Variants in RPRD2 observed in about 807,000 individuals in gnomAD.
The protein encoded by RPRD2 is regulation of nuclear pre-mRNA domain-containing protein 2.
RPRD2 carries 12 observed loss-of-function variants against 104.4 expected under a neutral mutation model. That is an observed-to-expected ratio of 0.11 (90% confidence interval 0.07 to 0.19). RPRD2 has a LOEUF of 0.19. Ranked by LOEUF, RPRD2 falls within the 10% of genes least tolerant of loss-of-function variation. The probability of loss-of-function intolerance (pLI) is 1.00; values close to 1 mark genes in which losing one functional copy is unlikely to be tolerated. For synonymous variants in RPRD2, 714 were observed against 684.9 expected (o/e 1.04, Z -0.66); for missense variants, 1,543 against 1,790.1 (o/e 0.86, Z 2.49).
In RPRD2 at chr1:150,471,578, G is replaced by A. The variant is rs941879775; in HGVS notation, c.2630G>A (p.Ser877Asn). The change falls in exon 11 of 11, where the codon AGC (serine) becomes AAC (asparagine). Residue 877 changes from serine (S) to asparagine (N), a missense_variant. Ser to Asn is a conservative substitution (Grantham distance 46, BLOSUM62 1). Around this residue, in one of 4 missense-constraint regions of RPRD2, gnomAD observed 880 missense variants for 885.6 expected, o/e 0.99. Transcript: ENST00000369068. This position sits in a 1 kb window ranked among gnomAD's most constrained non-coding sequence, Gnocchi z 5.3. Reference protein sequence around the residue: ...TEYQPILSSYSHRAQEFGVKS... With the variant: ...TEYQPILSSYNHRAQEFGVKS... ...TACCAGCCAATTCTGTCCAGTTATA[G>A]CCACAGAGCCCAAGAATTTGGGGTA... is the stretch of plus-strand genomic sequence containing the variant. The A allele has an allele frequency of 5.6e-6, 9 of 1,613,588 alleles. No individual in the cohort carries two copies. The African/African-American group carries it at 1.1e-4, about 19-fold the overall frequency.
At chr1:150,436,334 G>A (rs2102339563) in intron 2 of RPRD2, among the ~76,000 whole-genome samples, 1 of 152,296 alleles carries the variant, frequency 6.6e-6, no homozygotes, top group East Asian at 1.9e-4. Context: ...GGGCATGGTG[G>A]CTCATGCCTG....
intron 9 of RPRD2, among the ~76,000 whole-genome samples, chr1:150,462,647 C>G (rs889901866): frequency 6.6e-6 from 1 of 151,950 alleles, no homozygotes; most frequent in Non-Finnish European, 1.5e-5. Flanking sequence ...AGCTCCGCCT[C>G]CCAGGTCACG....
chr1:150,462,011 T>G (rs1260689790), intron 9 of RPRD2, among the ~76,000 whole-genome samples: 3 of 148,146 alleles, frequency 2.0e-5, no homozygotes, highest in African/African-American at 7.5e-5. Flanking sequence ...AGGCCAGGTT[T>G]GGTGGCTCAC....
chr1:150,446,463 A>G, intron 7 of RPRD2, 62 bp downstream of exon 7: 1 of 1,341,934 alleles, frequency 7.5e-7, no homozygotes, highest in Non-Finnish European at 1.0e-6. Context: ...GAGATTGTTA[A>G]CATGCATTAT....
intron 2 of RPRD2, among the ~76,000 whole-genome samples, chr1:150,439,518 C>G (rs978946888): frequency 2.0e-5 from 3 of 151,938 alleles, no homozygotes. Flanking sequence ...ACAATTTTCT[C>G]TGTTTCTTAC....
intron 2 of RPRD2, among the ~76,000 whole-genome samples, chr1:150,425,750 C>G (rs782637441): frequency 1.3e-4 from 20 of 152,012 alleles, no homozygotes; most frequent in Non-Finnish European, 2.1e-4. Context: ...CCTCATTTTA[C>G]AGATGAGGAT....
intron 1 of RPRD2, among the ~76,000 whole-genome samples, chr1:150,394,684 C>T (rs782627978): frequency 2.0e-5 from 3 of 151,956 alleles, no homozygotes; most frequent in Non-Finnish European, 4.4e-5. Context: ...CTCAGCCTCC[C>T]GGGTTCAAGC....
intron 9 of RPRD2, among the ~76,000 whole-genome samples, chr1:150,463,342 TAAATA>T (rs1668061951): frequency 6.6e-6 from 1 of 152,120 alleles, no homozygotes; most frequent in Non-Finnish European, 1.5e-5. Context: ...TCTCAAAAAC[TAAATA>T]AAAATAAAGT....
intron 3 of RPRD2, 134 bp downstream of exon 3, chr1:150,441,157 A>G: frequency 1.9e-6 from 1 of 513,230 alleles, no homozygotes; most frequent in Non-Finnish European, 3.4e-6. Context: ...TTAAAGTTAA[A>G]TATTTATGAA....
At chr1:150,469,257 A>G (rs1668463907) in intron 10 of RPRD2, among the ~76,000 whole-genome samples, 1 of 152,186 alleles carries the variant, frequency 6.6e-6, no homozygotes, top group African/African-American at 2.4e-5. Context: ...TTTGGGTGAA[A>G]TGTATATTAA....
chr1:150,387,566 CCTTTTTTTTTTTTTTTTTTTTTTTTTTT>C (rs1210993770), intron 1 of RPRD2, among the ~76,000 whole-genome samples: 1 of 70,116 alleles, frequency 1.4e-5, no homozygotes, highest in Non-Finnish European at 2.9e-5. Context: ...TTGCAACAGA[CCTTTTTTTTTTTTTTTTTTTTTTTTTTT>C]TTTTTTTTTT....
intron 2 of RPRD2, among the ~76,000 whole-genome samples, chr1:150,420,917 CA>C (rs1172987172): frequency 3.9e-5 from 6 of 152,268 alleles, no homozygotes; most frequent in South Asian, 2.1e-4. Context: ...TTATCTACAT[CA>C]GGGGGGCAAC....
At chr1:150,442,040 C>T in intron 4 of RPRD2, 82 bp downstream of exon 4, 1 of 1,080,024 alleles carries the variant, frequency 9.3e-7, no homozygotes, top group Non-Finnish European at 1.4e-6. Flanking sequence ...GACATCGTAC[C>T]TGGCATAAAC....
chr1:150,420,784 C>T (rs1664709264), intron 2 of RPRD2, among the ~76,000 whole-genome samples: 1 of 152,136 alleles, frequency 6.6e-6, no homozygotes, highest in Non-Finnish European at 1.5e-5. Context: ...TGAGATCATG[C>T]CTCTGCCCTC....
chr1:150,418,336 T>G (rs782417227), intron 2 of RPRD2, among the ~76,000 whole-genome samples: 3 of 152,206 alleles, frequency 2.0e-5, no homozygotes, highest in Non-Finnish European at 4.4e-5. Flanking sequence ...TACTTGACCA[T>G]GTATGTCTCC....
intron 1 of RPRD2, among the ~76,000 whole-genome samples, chr1:150,394,829 C>T (rs1662365192): frequency 6.6e-6 from 1 of 152,162 alleles, no homozygotes; most frequent in African/African-American, 2.4e-5. Context: ...CAATCTGTTT[C>T]CTCGGCCTCC....
At chr1:150,419,056 A>G (rs1400937388) in intron 2 of RPRD2, among the ~76,000 whole-genome samples, 3 of 152,130 alleles carry the variant, frequency 2.0e-5, no homozygotes, top group Non-Finnish European at 4.4e-5. Context: ...AACTCTGACC[A>G]TGGGCCCTTC....
chr1:150,471,515 C>T lies in RPRD2; in HGVS notation c.2567C>T (p.Ser856Phe), dbSNP rs754192072. The T allele has an allele frequency of 6.2e-7, 1 of 1,613,874 alleles. No homozygotes were observed. The highest frequency in any genetic ancestry group is 8.5e-7 in the Non-Finnish European group (1 of 1,179,878). Reference protein sequence around the residue: ...MMNLEKKPAKSILKSSKLSDT... With the variant: ...MMNLEKKPAKFILKSSKLSDT... ...AACCTAGAGAAGAAACCAGCCAAATCTATCCTGAAATCAAGCAAGCTGTCT... is the reference window on the plus strand; with the variant it reads ...AACCTAGAGAAGAAACCAGCCAAATTTATCCTGAAATCAAGCAAGCTGTCT... The change falls in exon 11 of 11, where the codon TCT (serine) becomes TTT (phenylalanine). Residue 856 changes from serine to phenylalanine, a missense_variant. Physicochemically the swap from Ser to Phe is radical, Grantham distance 155 (BLOSUM62 -2). Transcript: ENST00000369068. This position sits in a 1 kb window ranked among gnomAD's most constrained non-coding sequence, Gnocchi z 5.3.
intron 1 of RPRD2, among the ~76,000 whole-genome samples, chr1:150,416,872 CAAAAAAAAAAA>C (rs782463847): frequency 1.4e-5 from 1 of 72,428 alleles, no homozygotes; most frequent in East Asian, 4.5e-4. Context: ...ACTCCATCTC[CAAAAAAAAAAA>C]AAAAAAAACA....
Sources: allele counts gnomAD v4.1 joint callset (sites outside exome capture counted in the v4.1 genomes callset), GRCh38; gene constraint gnomAD v4.1.1; regional missense constraint gnomAD v4.1.1; non-coding constraint Gnocchi (gnomAD v3.1); transcripts MANE v1.5; gene names NCBI Gene and HGNC (gene_info 2026-07-23, HGNC 2026-07-21).